The following GET1 variants were observed in gnomAD, a reference collection of about 807,000 sequenced individuals.
GET1 encodes guided entry of tail-anchored proteins factor 1, also known as congenital heart disease 5 protein.
GET1 carries 20 observed loss-of-function variants against 22.6 expected under a neutral mutation model. The observed-to-expected ratio is 0.89, with a 90% CI of 0.62 to 1.29. The LOEUF (loss-of-function observed/expected upper bound fraction) is 1.29. GET1 is among the 50% of genes most tolerant of loss of function. GET1 has a pLI of 0.00. For missense variants in GET1, 209 were observed against 219.9 expected, an observed-to-expected ratio of 0.95 and a Z score of 0.31; for synonymous variants, 92 against 83.8, an observed-to-expected ratio of 1.10 and a Z score of -0.53.
intron 1 of GET1, among the ~76,000 whole-genome samples, chr21:39,414,742 C>CTGTGTGTGTGTGTGTGTGTG (rs66478742): frequency 3.0e-5 from 3 of 99,230 alleles, no homozygotes; most frequent in Admixed American, 2.3e-4. Flanking sequence ...CTCTCTCTCT[C>CTGTGTGTGTGTGTGTGTGTG]TGTGTGTGTG....
intron 4 of GET1, among the ~76,000 whole-genome samples, chr21:39,403,605 T>G (rs564006900): frequency 6.2e-4 from 91 of 147,204 alleles, no homozygotes; most frequent in African/African-American, 2.0e-3. Context: ...GAGCCACCGC[T>G]CCCGGTCTAC....
chr21:39,425,037 A>G (rs2074418743), intron 1 of GET1, among the ~76,000 whole-genome samples: 1 of 152,234 alleles, frequency 6.6e-6, no homozygotes, highest in South Asian at 2.1e-4. Context: ...CATTTGTAGG[A>G]TATAGAGGTA....
At chr21:39,423,523 T>C (rs918456138) in intron 1 of GET1, 5 of 1,508,024 alleles carry the variant, frequency 3.3e-6, no homozygotes, top group Non-Finnish European at 4.4e-6. Flanking sequence ...TTATTACTAG[T>C]AAAATATACA....
chr21:39,410,068 T>C (rs970766892), downstream of GET1: 10 of 1,611,250 alleles, frequency 6.2e-6, no homozygotes, highest in African/African-American at 9.3e-5. Context: ...TTTTTCTTTA[T>C]GATCGATGTT....
chr21:39,393,044 G>A, intron 3 of GET1, 122 bp from the exon 4 acceptor site: 1 of 745,772 alleles, frequency 1.3e-6, no homozygotes, highest in Non-Finnish European at 2.2e-6. Flanking sequence ...TGGGTTCCTA[G>A]GCTTGAGGTG....
intron 3 of GET1, among the ~76,000 whole-genome samples, chr21:39,392,607 C>T (rs1445438324): frequency 2.0e-5 from 3 of 152,162 alleles, no homozygotes; most frequent in Non-Finnish European, 4.4e-5. Flanking sequence ...AGATGACAAT[C>T]GAAGGAATGC....
downstream of GET1, chr21:39,411,259 A>G: frequency 4.8e-6 from 1 of 208,636 alleles, no homozygotes; most frequent in Non-Finnish European, 9.8e-6. Context: ...CTTCCTGGGG[A>G]GGTGGAAATA....
At chr21:39,420,160 A>C (rs74637271) in intron 1 of GET1, among the ~76,000 whole-genome samples, 4,195 of 152,280 alleles carry the variant, frequency 0.028, 96 homozygotes, top group Middle Eastern at 0.041. Flanking sequence ...AACTCATTCT[A>C]ATAATTGCAG....
At chr21:39,402,796 C>T (rs775519009), downstream of GET1, among the ~76,000 whole-genome samples, 10 of 151,958 alleles carry the variant, frequency 6.6e-5, no homozygotes, top group Admixed American at 1.3e-4. Flanking sequence ...AGCAAACATG[C>T]GAAAGAAAGC....
At chr21:39,395,186 A>T (rs1416112777) in intron 4 of GET1, among the ~76,000 whole-genome samples, 3 of 152,070 alleles carry the variant, frequency 2.0e-5, no homozygotes, top group Admixed American at 1.3e-4. Flanking sequence ...TTCTTTATTA[A>T]GGAATTTTCA....
At chr21:39,421,680 A>C (rs1381620013) in intron 1 of GET1, 1 of 152,220 alleles carries the variant, frequency 6.6e-6, no homozygotes, top group Non-Finnish European at 1.5e-5. Flanking sequence ...GACCTCCTCC[A>C]TTATAACAGC....
Position 39,380,400 on chromosome 21 carries a change from G to A in GET1, c.16G>A (p.Ala6Thr), listed in dbSNP as rs150276299. The change falls in exon 1 of 5, where the codon GCC (alanine) becomes ACC (threonine). Residue 6 changes from alanine (A) to threonine (T), a missense_variant. Physicochemically the swap from Ala to Thr is moderately conservative, Grantham distance 58. Transcript: ENST00000649170. ...AGCGTCCGGGATGAGCTCAGCCGCG[G>A]CCGACCACTGGGCGTGGTTGCTGGT... is the stretch of plus-strand genomic sequence containing the variant. Reference protein sequence around the residue: MSSAAADHWAWLLVLS... With the variant: MSSAATDHWAWLLVLS... 2 of 1,609,376 alleles carry A rather than the reference G, an allele frequency of 1.2e-6. No individual in the cohort carries two copies. Among genetic ancestry groups the A allele is most frequent in the Middle Eastern group, 1.7e-4 (1 of 6,046 alleles).
chr21:39,407,137 G>A (rs1344604955), downstream of GET1, among the ~76,000 whole-genome samples: 4 of 152,210 alleles, frequency 2.6e-5, no homozygotes, highest in African/African-American at 4.8e-5. Context: ...TAAGGTGGGA[G>A]GATCACTTGA....
chr21:39,416,639 T>A, intron 1 of GET1, among the ~76,000 whole-genome samples: 1 of 151,136 alleles, frequency 6.6e-6, no homozygotes, highest in Non-Finnish European at 1.5e-5. Context: ...AGGATTTTTA[T>A]TTGACTCTAT....
At chr21:39,398,165 C>T (rs758289030), downstream of GET1, among the ~76,000 whole-genome samples, 1 of 152,180 alleles carries the variant, frequency 6.6e-6, no homozygotes, top group Non-Finnish European at 1.5e-5. Context: ...CTTCCAGTGT[C>T]CGTCACCACA....
exon 2 of GET1, chr21:39,428,437 T>C: frequency 6.2e-7 from 1 of 1,612,082 alleles, no homozygotes. Flanking sequence ...TGTTTTCTAA[T>C]GCCACGCCGA....
chr21:39,410,310 C>T (rs1601705029), downstream of GET1: 1 of 1,611,294 alleles, frequency 6.2e-7, no homozygotes, highest in Non-Finnish European at 8.5e-7. Flanking sequence ...TCCCTGGTGT[C>T]TCATACTTGT....
At chr21:39,408,924 T>G (rs1456514069), downstream of GET1, among the ~76,000 whole-genome samples, 1 of 152,246 alleles carries the variant, frequency 6.6e-6, no homozygotes, top group African/African-American at 2.4e-5. Context: ...CAGCTGGATT[T>G]GAATAATTTG....
At chr21:39,401,878 G>C (rs999667610), downstream of GET1, among the ~76,000 whole-genome samples, 1 of 152,064 alleles carries the variant, frequency 6.6e-6, no homozygotes, top group East Asian at 1.9e-4. Context: ...AACTACACCC[G>C]TATGAGGCAG....
Sources: allele counts gnomAD v4.1 joint callset (sites outside exome capture counted in the v4.1 genomes callset), GRCh38; gene constraint gnomAD v4.1.1; transcripts MANE v1.5; gene names NCBI Gene and HGNC (gene_info 2026-07-23, HGNC 2026-07-21).